TENM3: variants seen among roughly 807,000 people sequenced by gnomAD.
TENM3 encodes the protein teneurin transmembrane protein 3.
Under a neutral mutation model 255.1 loss-of-function variants are expected in TENM3, and 63 were observed. The ratio of observed to expected loss-of-function variants is 0.25; its 90% CI spans 0.20 to 0.30. TENM3 has a LOEUF of 0.30. TENM3 is among the 10% of genes least tolerant of loss of function. TENM3 has a pLI of 1.00. For missense variants in TENM3, 2,929 were observed against 3,461.1 expected, an observed-to-expected ratio of 0.85 and a Z score of 3.86; for synonymous variants, 1,306 against 1,322.3, an observed-to-expected ratio of 0.99 and a Z score of 0.27.
rs191336373 is a variant in TENM3, at chr4:182,219,259, A to G, written c.-76+74505A>G. 5.2e-4 allele frequency among the ~76,000 whole-genome samples: 79 copies of G among 152,070 alleles called. 1 individual carries two copies. The highest frequency in any genetic ancestry group is 3.4e-3 in the Middle Eastern group (1 of 294). Reference sequence around the variant, plus strand: ...CAAGAACAAAAACAATAAAAACCATAATATATTTTGAAGAGAGCGAAGTAA... The same window carrying G: ...CAAGAACAAAAACAATAAAAACCATGATATATTTTGAAGAGAGCGAAGTAA... On this transcript the variant is annotated intron_variant, in intron 1 of 2. Coordinates refer to the TENM3 transcript ENST00000512480.
chr4:181,957,893 TTA>T, the TENM3 span, among the ~76,000 whole-genome samples: 2 of 152,200 alleles, frequency 1.3e-5, no homozygotes, highest in African/African-American at 2.4e-5. Context: ...CCAACTGGGA[TTA>T]TAGTTTCGGA....
the TENM3 span, among the ~76,000 whole-genome samples, chr4:182,107,774 C>G: frequency 6.6e-6 from 1 of 152,090 alleles, no homozygotes; most frequent in Non-Finnish European, 1.5e-5. Flanking sequence ...TAGGCTTAAA[C>G]TTTTTCCTTA....
chr4:182,344,774 T>C (rs1304947183), intron 2 of TENM3, among the ~76,000 whole-genome samples: 1 of 151,278 alleles, frequency 6.6e-6, no homozygotes, highest in African/African-American at 2.4e-5. Flanking sequence ...TTGATGGCAA[T>C]ATCTACACGT....
the TENM3 span, among the ~76,000 whole-genome samples, chr4:181,889,037 G>A: frequency 7.2e-5 from 11 of 151,942 alleles, no homozygotes; most frequent in Non-Finnish European, 1.5e-4. Context: ...CCAGCTACCC[G>A]GGCATCCCTT....
the TENM3 span, among the ~76,000 whole-genome samples, chr4:182,103,074 C>A: frequency 6.6e-6 from 1 of 152,258 alleles, no homozygotes; most frequent in Admixed American, 6.5e-5. Context: ...ATGTTTTTTA[C>A]AAGTCTAAAA....
chr4:182,571,617 A>G (rs902830788), intron 3 of TENM3, among the ~76,000 whole-genome samples: 3 of 152,206 alleles, frequency 2.0e-5, no homozygotes, highest in Non-Finnish European at 4.4e-5. Context: ...GAAAGATATA[A>G]AATATTTCAG....
At chr4:181,470,932 C>G in the TENM3 span, among the ~76,000 whole-genome samples, 1,238 of 152,088 alleles carry the variant, frequency 8.1e-3, 13 homozygotes, top group African/African-American at 0.027. Flanking sequence ...TACTACCTTA[C>G]CTTTTGACAT....
chr4:182,679,675 G>T lies in TENM3; in HGVS notation c.1336G>T (p.Val446Leu). Residue 446 changes from valine (V) to leucine (L), a missense_variant, in exon 8 of 28, where the codon GTG becomes TTG. By Grantham distance (32) the Val-to-Leu change is conservative. Coordinates refer to ENST00000511685, the MANE Select transcript of TENM3 (RefSeq NM_001080477.4). ...LPPSHTQYDF[V>L]ELLDGSRLIA... ...CTCGTCCTCCCCCCAGTATGACTTC[G>T]TGGAGCTCCTGGATGGCAGCAGGCT... is the stretch of plus-strand genomic sequence containing the variant. 6.2e-7 allele frequency: 1 copy of T among 1,612,158 alleles called. No individual in the cohort carries two copies. Among genetic ancestry groups the T allele is most frequent in the African/African-American group, 1.3e-5 (1 of 74,978 alleles).
the TENM3 span, among the ~76,000 whole-genome samples, chr4:182,081,498 C>T: frequency 2.7e-5 from 4 of 149,396 alleles, no homozygotes; most frequent in East Asian, 2.0e-4. Flanking sequence ...GCAGAAGAAT[C>T]GCTTAAACCC....
chr4:181,861,139 A>G, the TENM3 span, among the ~76,000 whole-genome samples: 15 of 152,190 alleles, frequency 9.9e-5, no homozygotes, highest in Non-Finnish European at 1.6e-4. Context: ...ATTATCTTTT[A>G]CAAGAACACT....
intron 3 of TENM3, among the ~76,000 whole-genome samples, chr4:182,537,289 A>G (rs562416795): frequency 1.2e-3 from 180 of 152,330 alleles, no homozygotes; most frequent in Non-Finnish European, 1.8e-3. Flanking sequence ...CAGTCATTTC[A>G]TCATGAACTA....
chr4:182,128,283 C>A, the TENM3 span, among the ~76,000 whole-genome samples: 3 of 151,666 alleles, frequency 2.0e-5, no homozygotes, highest in Non-Finnish European at 4.4e-5. Flanking sequence ...TGTAGTTATG[C>A]TATTAGCATA....
chr4:182,792,247 GAGTAAC>G lies in TENM3; in HGVS notation c.5602-22_5602-17del. ...TTTGCATCTCCCGTTCACAAACACTGAGTAACAGTATGTTCTCTCTTTACAGTCCAT... is the reference window on the plus strand; with the variant it reads ...TTTGCATCTCCCGTTCACAAACACTGAGTATGTTCTCTCTTTACAGTCCAT... On this transcript the variant is annotated intron_variant, in intron 25 of 27. Transcript: ENST00000511685. This position sits in a 1 kb window ranked among gnomAD's most constrained non-coding sequence, Gnocchi z 6.3. 1 of 1,574,932 alleles carries G rather than the reference GAGTAAC, an allele frequency of 6.3e-7. No individual in the cohort carries two copies. The highest frequency in any genetic ancestry group is 8.6e-7 in the Non-Finnish European group (1 of 1,163,708).
chr4:182,630,011 C>G (rs1369600780), intron 5 of TENM3, among the ~76,000 whole-genome samples: 1 of 152,156 alleles, frequency 6.6e-6, no homozygotes, highest in African/African-American at 2.4e-5. Flanking sequence ...CCATGGAAGA[C>G]ATCATTAATG....
At chr4:182,542,793 C>G (rs1741016006) in intron 3 of TENM3, among the ~76,000 whole-genome samples, 1 of 152,124 alleles carries the variant, frequency 6.6e-6, no homozygotes, top group Non-Finnish European at 1.5e-5. Flanking sequence ...AATTTTTTAT[C>G]CTTTATTTAA....
the TENM3 span, among the ~76,000 whole-genome samples, chr4:181,508,344 ACT>A: frequency 6.6e-6 from 1 of 151,978 alleles, no homozygotes; most frequent in African/African-American, 2.4e-5. Context: ...ACTCAGTTTC[ACT>A]CTCTTTTGCT....
At chr4:181,570,021 C>T in the TENM3 span, among the ~76,000 whole-genome samples, 3,844 of 151,100 alleles carry the variant, frequency 0.025, 149 homozygotes, top group African/African-American at 0.086. Context: ...AAGACACCAT[C>T]CCTACAAATG....
chr4:181,629,395 G>T, the TENM3 span, among the ~76,000 whole-genome samples: 2 of 152,158 alleles, frequency 1.3e-5, no homozygotes, highest in East Asian at 1.9e-4. Flanking sequence ...TGGTGAGAGA[G>T]CGCATCCCTG....
At chr4:182,241,048 G>A (rs1285612521), upstream of TENM3, among the ~76,000 whole-genome samples, 1 of 152,068 alleles carries the variant, frequency 6.6e-6, no homozygotes, top group African/African-American at 2.4e-5. Flanking sequence ...TTTTGTCATC[G>A]GGCTTGAAGA....
Sources: allele counts gnomAD v4.1 joint callset (sites outside exome capture counted in the v4.1 genomes callset), GRCh38; gene constraint gnomAD v4.1.1; non-coding constraint Gnocchi (gnomAD v3.1); transcripts MANE v1.5; gene names NCBI Gene and HGNC (gene_info 2026-07-23, HGNC 2026-07-21).